Variants in USP18 observed in about 807,000 individuals in gnomAD.
The protein encoded by USP18 is ubiquitin specific peptidase 18.
In USP18, 11 loss-of-function variants were observed where a neutral mutation model predicts 48.7. That is an observed-to-expected ratio of 0.23 (90% CI 0.14 to 0.37). The LOEUF (loss-of-function observed/expected upper bound fraction) is 0.37. Among genes scored for constraint, USP18 ranks in the 10% least tolerant of loss-of-function variants. The pLI is 1.00. For missense variants in USP18, 285 were observed against 436.4 expected (o/e 0.65, Z 3.09); for synonymous variants, 114 against 163.2 (o/e 0.70, Z 2.30).
chr22:18,160,395 T>C (rs903768995), intron 3 of USP18, 127 bp downstream of exon 3: 2 of 1,140,546 alleles, frequency 1.8e-6, no homozygotes, highest in Non-Finnish European at 2.5e-6. Context: ...AAGTTCTGCC[T>C]CCCGGGTTCA....
At chr22:18,155,473 T>A (rs1021917472) in intron 1 of USP18, among the ~76,000 whole-genome samples, 3 of 152,184 alleles carry the variant, frequency 2.0e-5, no homozygotes, top group African/African-American at 7.2e-5. Flanking sequence ...AGCCCCTTCC[T>A]GGGCTGGCCG....
At chr22:18,169,553 C>T (rs1400740341) in intron 6 of USP18, among the ~76,000 whole-genome samples, 2 of 152,108 alleles carry the variant, frequency 1.3e-5, no homozygotes, top group Non-Finnish European at 2.9e-5. Flanking sequence ...TCCAGCTCCC[C>T]ACTTGGTCTC....
intron 4 of USP18, among the ~76,000 whole-genome samples, chr22:18,163,516 G>A (rs368050452): frequency 7.1e-4 from 108 of 152,060 alleles, no homozygotes; most frequent in African/African-American, 2.3e-3. Flanking sequence ...GGTGGCGGGC[G>A]CCTGTAGTCC....
chr22:18,164,267 GCAGA>G (rs1404111885), intron 4 of USP18, among the ~76,000 whole-genome samples: 2 of 151,848 alleles, frequency 1.3e-5, no homozygotes, highest in Non-Finnish European at 2.9e-5. Context: ...GCTGCACTGT[GCAGA>G]CAAACTCCTT....
intron 10 of USP18, among the ~76,000 whole-genome samples, chr22:18,175,626 G>A (rs1174100445): frequency 3.4e-4 from 50 of 149,212 alleles, no homozygotes; most frequent in South Asian, 8.3e-4. Context: ...AAAAGCAGCC[G>A]TAGACAGTAC....
intron 1 of USP18, among the ~76,000 whole-genome samples, chr22:18,157,322 C>A (rs1929186220): frequency 1.3e-5 from 2 of 152,154 alleles, no homozygotes; most frequent in Non-Finnish European, 2.9e-5. Flanking sequence ...CTGTCCTTTC[C>A]CAAGAGGGCG....
chr22:18,168,274 C>G (rs1028336151), intron 6 of USP18, among the ~76,000 whole-genome samples: 4 of 152,116 alleles, frequency 2.6e-5, no homozygotes, highest in Admixed American at 6.6e-5. Context: ...TGTGCCAGCT[C>G]AAATCTCTCT....
At chr22:18,162,006 G>C in intron 4 of USP18, 71 bp downstream of exon 4, 1 of 1,510,096 alleles carries the variant, frequency 6.6e-7, no homozygotes, top group African/African-American at 1.4e-5. Context: ...AGTGAAGAGA[G>C]GAACTAACGG....
chr22:18,168,212 C>T (rs572074524), intron 6 of USP18, among the ~76,000 whole-genome samples, 176 bp downstream of exon 6: 2 of 152,124 alleles, frequency 1.3e-5, no homozygotes, highest in Non-Finnish European at 2.9e-5. Flanking sequence ...TCTCAGAGTC[C>T]TGAGGCGAGG....
chr22:18,155,873 G>T (rs1929119910), intron 1 of USP18, among the ~76,000 whole-genome samples: 1 of 152,234 alleles, frequency 6.6e-6, no homozygotes, highest in South Asian at 2.1e-4. Context: ...AGGAGTGCGG[G>T]CGCACGGCGC....
At chr22:18,159,842 A>AT (rs1235077414) in intron 2 of USP18, among the ~76,000 whole-genome samples, 4 of 151,492 alleles carry the variant, frequency 2.6e-5, no homozygotes, top group African/African-American at 4.8e-5. Context: ...CGCCCGGCTA[A>AT]TTTTTTTTGC....
intron 8 of USP18, 77 bp from the exon 9 acceptor site, chr22:18,173,073 G>A: frequency 1.9e-6 from 3 of 1,603,078 alleles, no homozygotes; most frequent in African/African-American, 1.4e-5. Context: ...GTCGGGCCTA[G>A]TGTGGGCAGG....
At chr22:18,169,180 A>G (rs1929561072) in intron 6 of USP18, among the ~76,000 whole-genome samples, 2 of 152,158 alleles carry the variant, frequency 1.3e-5, no homozygotes, top group Non-Finnish European at 2.9e-5. Flanking sequence ...TGGTGGAAGG[A>G]CATTGGATCA....
At chr22:18,173,031 G>A (rs7291057) in intron 8 of USP18, 119 bp from the exon 9 acceptor site, 76,222 of 1,521,460 alleles carry the variant, frequency 0.05, 2,396 homozygotes, top group Middle Eastern at 0.077. Context: ...GCTGTGGGTC[G>A]GGACTGTTTT....
chr22:18,166,589 T>C (rs4819670), intron 4 of USP18, among the ~76,000 whole-genome samples: 89,298 of 151,042 alleles, frequency 0.59, 27,394 homozygotes, highest in East Asian at 0.84. Flanking sequence ...TTTGTTGTTG[T>C]TGCTGTTTTA....
Position 18,163,535 on chromosome 22 carries a change from C to T in USP18, c.400+1600C>T, listed in dbSNP as rs541431218. Among the ~76,000 whole-genome samples the T allele has an allele frequency of 9.0e-4, 137 of 151,594 alleles. 3 individuals are homozygous for T. The South Asian group carries it at 0.028, about 30-fold the overall frequency. ...GCGGGCGCCTGTAGTCCCAGCTACTCGGGAGGCTGAGGAAGGAGAATGGCG... is the reference window on the plus strand; with the variant it reads ...GCGGGCGCCTGTAGTCCCAGCTACTTGGGAGGCTGAGGAAGGAGAATGGCG... On this transcript the variant is annotated intron_variant, in intron 4 of 10. Coordinates refer to ENST00000215794, the MANE Select transcript of USP18 (RefSeq NM_017414.4).
intron 6 of USP18, among the ~76,000 whole-genome samples, chr22:18,168,395 TCCCC>T (rs147651861): frequency 2.1e-5 from 3 of 143,038 alleles, no homozygotes; most frequent in African/African-American, 7.6e-5. Context: ...TGCAATAACC[TCCCC>T]CCCCCCTTTT....
At position 18,169,989 on chromosome 22, in the gene USP18, A is replaced by T. The variant is rs1602530664; in HGVS notation, c.723+50A>T. 6 of 1,542,784 alleles carry T rather than the reference A, an allele frequency of 3.9e-6. No individual in the cohort carries two copies. In the East Asian group the frequency reaches 1.5e-4, roughly 38 times the overall value. ...AGCTGTCCCTCGGTGCATATGGGGG[A>T]TTTGTTCCAGGACCCCTGCTTTTAC... is the stretch of plus-strand genomic sequence containing the variant. On this transcript the variant is annotated intron_variant, in intron 7 of 10. Coordinates refer to ENST00000215794, the MANE Select transcript of USP18 (RefSeq NM_017414.4).
intron 8 of USP18, 93 bp from the exon 9 acceptor site, chr22:18,173,057 C>G: frequency 1.3e-6 from 2 of 1,588,566 alleles, no homozygotes; most frequent in South Asian, 2.3e-5. Context: ...ATTCTAAAGT[C>G]CCAGAGTCGG....
Sources: gnomAD v4.1 joint callset for allele counts (sites outside exome capture counted in the v4.1 genomes callset) on GRCh38, gnomAD v4.1.1 for gene constraint, MANE v1.5 for transcripts, NCBI Gene and HGNC (gene_info 2026-07-23, HGNC 2026-07-21) for gene names.